Variants in ANOS1 observed in about 807,000 individuals in gnomAD.
The protein encoded by ANOS1 is anosmin 1.
ANOS1 carries 6 observed loss-of-function variants against 59.0 expected under a neutral mutation model. The observed-to-expected ratio is 0.10, with a 90% CI of 0.06 to 0.20. The LOEUF is 0.20. Among genes scored for constraint, ANOS1 ranks in the 10% least tolerant of loss-of-function variants. The pLI is 1.00. For synonymous variants in ANOS1, 217 were observed against 223.4 expected (o/e 0.97, Z 0.25); for missense variants, 433 against 542.3 (o/e 0.80, Z 2.00).
intron 6 of ANOS1, among the ~76,000 whole-genome samples, chrX:8,576,150 G>A (rs1341106245): frequency 9.1e-6 from 1 of 110,409 alleles, no homozygotes; most frequent in Non-Finnish European, 1.9e-5. Flanking sequence ...CCAAAAGAGA[G>A]TGGCAGCGAT....
intron 2 of ANOS1, among the ~76,000 whole-genome samples, chrX:8,666,227 GA>G (rs1403495175): frequency 1.8e-5 from 2 of 110,114 alleles, no homozygotes; most frequent in Admixed American, 1.9e-4. Context: ...TAAAAGAAAA[GA>G]AAAAAATCCC....
intron 3 of ANOS1, among the ~76,000 whole-genome samples, chrX:8,602,352 C>T (rs1930858652): frequency 9.0e-6 from 1 of 111,381 alleles, no homozygotes; most frequent in African/African-American, 3.3e-5. Flanking sequence ...TAGATATAAA[C>T]AAAATGTGCA....
rs185334484 is a variant in ANOS1 at position 8,721,024 on chromosome X, C to T, written c.207+10806G>A. Among the ~76,000 whole-genome samples the T allele has an allele frequency of 2.1e-3, 238 of 112,000 alleles. 3 individuals carry two copies. The highest frequency in any genetic ancestry group is 7.6e-3 in the African/African-American group (233 of 30,812). On this transcript the variant is annotated intron_variant, in intron 1 of 13. Transcript: ENST00000262648. ...CTCACAATCTAAGATACCTGAAAGA[C>T]GGTTGTGTTTTGCAGATTCTTATTG...
rs1395282113 is a variant in ANOS1, at chrX:8,557,333, T to C, written c.1208-3235A>G. 3.6e-5 allele frequency among the ~76,000 whole-genome samples: 4 copies of C among 111,888 alleles called. No homozygotes were observed. In the East Asian group the frequency reaches 1.1e-3, roughly 31 times the overall value. ...GCCAAAGTTGACAAATGGGATCTAATTAAACTAAAGAGCTTCTGCACAGCA... is the reference window on the plus strand; with the variant it reads ...GCCAAAGTTGACAAATGGGATCTAACTAAACTAAAGAGCTTCTGCACAGCA... On this transcript the variant is annotated intron_variant, in intron 8 of 13. Coordinates refer to ENST00000262648, the MANE Select transcript of ANOS1 (RefSeq NM_000216.4).
intron 2 of ANOS1, among the ~76,000 whole-genome samples, chrX:8,671,448 A>T (rs1475468594): frequency 9.0e-6 from 1 of 110,914 alleles, no homozygotes; most frequent in Non-Finnish European, 1.9e-5. Context: ...CTTTCTTAAG[A>T]CCTTCTGTGT....
intron 3 of ANOS1, among the ~76,000 whole-genome samples, chrX:8,610,582 A>G (rs1213410641): frequency 8.1e-5 from 9 of 111,761 alleles, no homozygotes; most frequent in African/African-American, 2.9e-4. Context: ...ACTGACTTGA[A>G]TGTGCATGGC....
At chrX:8,668,143 A>C (rs1932186058) in intron 2 of ANOS1, among the ~76,000 whole-genome samples, 1 of 107,753 alleles carries the variant, frequency 9.3e-6, no homozygotes. Context: ...CCCGAGCAGT[A>C]TACACTGAAC....
At chrX:8,533,423 A>T (rs1929532750) in intron 13 of ANOS1, among the ~76,000 whole-genome samples, 1 of 112,413 alleles carries the variant, frequency 8.9e-6, no homozygotes, top group African/African-American at 3.2e-5. Context: ...TTATCTGACA[A>T]AAATTTTAGA....
At chrX:8,545,218 A>C (rs1382812704) in intron 9 of ANOS1, among the ~76,000 whole-genome samples, 2 of 101,928 alleles carry the variant, frequency 2.0e-5, no homozygotes, top group Non-Finnish European at 4.0e-5. Context: ...ATGCCACTGC[A>C]CTCCAGCCTG....
chrX:8,623,578 G>A (rs2065383100), intron 3 of ANOS1, 30 bp downstream of exon 3: 1 of 1,117,838 alleles, frequency 8.9e-7, no homozygotes, highest in South Asian at 1.8e-5. Context: ...TTTGGGTCAA[G>A]TGTTTTAAGT....
At chrX:8,534,517 A>C (rs768246332) in intron 12 of ANOS1, 57 bp from the exon 13 acceptor site, 98 of 1,127,377 alleles carry the variant, frequency 8.7e-5, no homozygotes, top group Non-Finnish European at 1.1e-4. Flanking sequence ...GACAACATGC[A>C]ATGCACAGAG....
chrX:8,585,559 C>T (rs923018412), intron 5 of ANOS1, among the ~76,000 whole-genome samples, 163 bp from the exon 6 acceptor site: 6 of 112,041 alleles, frequency 5.4e-5, no homozygotes, highest in African/African-American at 1.9e-4. Context: ...AGAGAGCTGT[C>T]AGGGAACAAA....
chrX:8,529,724 A>G lies in ANOS1; in HGVS notation c.*3271T>C, dbSNP rs892179667. ...GTTTCTTATAAAGGGCAAATTCAGT[A>G]AAGATCATTCTCTAGCAATGGTTCT... On this transcript the variant is annotated 3_prime_UTR_variant, in exon 14 of 14. Coordinates refer to ENST00000262648, the MANE Select transcript of ANOS1 (RefSeq NM_000216.4). The G allele has an allele frequency of 8.9e-6, 1 of 111,892 alleles. No individual in the cohort carries two copies. Among genetic ancestry groups the G allele is most frequent in the African/African-American group, 3.3e-5 (1 of 30,763 alleles). 9.2% of individuals were successfully genotyped at this position (111,892 alleles called of 1,213,427 possible). A position where few individuals can be genotyped will look rare whatever the true frequency, so the allele number is the denominator to read the frequency against.
At chrX:8,707,212 G>A (rs963718102) in intron 1 of ANOS1, among the ~76,000 whole-genome samples, 24 of 112,134 alleles carry the variant, frequency 2.1e-4, no homozygotes, top group African/African-American at 6.8e-4. Context: ...ACATAGCAGC[G>A]TGCCTGACAC....
chrX:8,617,067 T>C (rs1931189763), intron 3 of ANOS1, among the ~76,000 whole-genome samples: 2 of 112,512 alleles, frequency 1.8e-5, no homozygotes, highest in Non-Finnish European at 3.7e-5. Flanking sequence ...TATATTCTAA[T>C]TGGGGAAGCT....
chrX:8,537,835 C>T (rs1027138382), intron 10 of ANOS1, among the ~76,000 whole-genome samples: 3 of 110,214 alleles, frequency 2.7e-5, no homozygotes, highest in Non-Finnish European at 3.8e-5. Flanking sequence ...ATATCTCTGG[C>T]ACTCATTGGA....
rs780380041 is a variant in ANOS1, at chrX:8,536,767, G to A, written c.1621+4C>T. On this transcript the variant is annotated splice_donor_region_variant and intron_variant, in intron 11 of 13. Coordinates refer to ENST00000262648, the MANE Select transcript of ANOS1 (RefSeq NM_000216.4). Reference sequence around the variant, plus strand: ...ATGTAGAAGTCCTTCAGGTGAAAACGTACCTGCTTCGCCCAGGCAGCCAAC... The same window carrying A: ...ATGTAGAAGTCCTTCAGGTGAAAACATACCTGCTTCGCCCAGGCAGCCAAC... 3 of 1,202,115 alleles carry A rather than the reference G, an allele frequency of 2.5e-6. No individual in the cohort carries two copies. Among genetic ancestry groups the A allele is most frequent in the South Asian group, 1.8e-5 (1 of 56,285 alleles).
At chrX:8,613,163 A>C (rs1931093611) in intron 3 of ANOS1, among the ~76,000 whole-genome samples, 1 of 111,043 alleles carries the variant, frequency 9.0e-6, no homozygotes, top group African/African-American at 3.3e-5. Flanking sequence ...TTTTGTTTTT[A>C]TTTATAAAGA....
chrX:8,697,968 A>G (rs939645186), intron 2 of ANOS1, among the ~76,000 whole-genome samples: 2 of 112,262 alleles, frequency 1.8e-5, no homozygotes, highest in African/African-American at 6.5e-5. Flanking sequence ...GAATCCCAAA[A>G]GAAATGCAAA....
Sources: allele counts gnomAD v4.1 joint callset (sites outside exome capture counted in the v4.1 genomes callset), GRCh38; gene constraint gnomAD v4.1.1; transcripts MANE v1.5; gene names NCBI Gene and HGNC (gene_info 2026-07-23, HGNC 2026-07-21).